The following GALNT18 variants were observed in gnomAD, a reference collection of about 807,000 sequenced individuals.
The protein encoded by GALNT18 is GalNAc-transferase 18.
In GALNT18, 44 loss-of-function variants were observed where a neutral mutation model predicts 69.5. The observed-to-expected ratio is 0.63, with a 90% CI of 0.50 to 0.81. GALNT18 has a LOEUF of 0.81. GALNT18 is among the 40% of genes least tolerant of loss of function. The probability of loss-of-function intolerance (pLI) is 0.00; values close to 1 mark genes in which losing one functional copy is unlikely to be tolerated. For synonymous variants in GALNT18, 364 were observed against 318.2 expected (o/e 1.14, Z -1.53); for missense variants, 715 against 810.0 (o/e 0.88, Z 1.42).
chr11:11,343,839 A>G (rs1166432658), intron 6 of GALNT18, among the ~76,000 whole-genome samples: 1 of 152,198 alleles, frequency 6.6e-6, no homozygotes, highest in Non-Finnish European at 1.5e-5. Context: ...GAGTGGGCAC[A>G]TCTGCCGTCA....
At chr11:11,498,877 C>A (rs11602257) in intron 1 of GALNT18, among the ~76,000 whole-genome samples, 1 of 152,186 alleles carries the variant, frequency 6.6e-6, no homozygotes, top group African/African-American at 2.4e-5. Flanking sequence ...TAGTTACAGT[C>A]AGAGAAGATT....
chr11:11,576,822 C>T (rs1334630223), intron 1 of GALNT18, among the ~76,000 whole-genome samples: 3 of 151,934 alleles, frequency 2.0e-5, no homozygotes, highest in African/African-American at 7.3e-5. Context: ...TTGTTTTTGC[C>T]CTCGCACAGA....
In GALNT18 at chr11:11,582,661, C is replaced by T. The variant is rs1437469215; in HGVS notation, c.235+38698G>A. Among the ~76,000 whole-genome samples the T allele has an allele frequency of 2.0e-5, 3 of 152,232 alleles. No homozygotes were observed. The highest frequency in any genetic ancestry group is 2.1e-4 in the South Asian group (1 of 4,832). On this transcript the variant is annotated intron_variant, in intron 1 of 10. Coordinates refer to ENST00000227756, the MANE Select transcript of GALNT18 (RefSeq NM_198516.3). The surrounding 1 kb of genome is among the most constrained non-coding windows in gnomAD (Gnocchi z 5.0). ...ACTTTCAGTATGCAGTAGAAATACA[C>T]ATTGAGGGCTAAAAGCCTTTGTGAT... is the stretch of plus-strand genomic sequence containing the variant.
At position 11,494,611 on chromosome 11, in the gene GALNT18, C is replaced by T. The variant is rs918382139; in HGVS notation, c.236-45675G>A. On this transcript the variant is annotated intron_variant, in intron 1 of 10. Coordinates refer to ENST00000227756, the MANE Select transcript of GALNT18 (RefSeq NM_198516.3). The surrounding 1 kb of genome is among the most constrained non-coding windows in gnomAD (Gnocchi z 5.7). ...TTCACTGCAGCTCCCCTTCTTTCCA[C>T]CGCTATCTGCCACACATGAATTTCT... 6.6e-6 allele frequency among the ~76,000 whole-genome samples: 1 copy of T among 152,204 alleles called. No individual in the cohort carries two copies. Among genetic ancestry groups the T allele is most frequent in the African/African-American group, 2.4e-5 (1 of 41,452 alleles).
intron 1 of GALNT18, among the ~76,000 whole-genome samples, chr11:11,501,805 T>G (rs56053824): frequency 0.012 from 1,855 of 152,340 alleles, 21 homozygotes; most frequent in Non-Finnish European, 0.02. Context: ...AGACTCCAAG[T>G]TGCGAAGATG....
At chr11:11,406,355 A>AC (rs1218979258) in intron 3 of GALNT18, among the ~76,000 whole-genome samples, 1 of 152,160 alleles carries the variant, frequency 6.6e-6, no homozygotes, top group Admixed American at 6.5e-5. Flanking sequence ...TGTTTATTGT[A>AC]CCTTTTCTGG....
intron 10 of GALNT18, among the ~76,000 whole-genome samples, chr11:11,278,805 T>G (rs1048343451): frequency 2.0e-5 from 3 of 152,182 alleles, no homozygotes; most frequent in African/African-American, 7.2e-5. Context: ...AGGGTAACTA[T>G]AATTAATAAT....
At chr11:11,530,272 T>A (rs892868600) in intron 1 of GALNT18, among the ~76,000 whole-genome samples, 24 of 152,038 alleles carry the variant, frequency 1.6e-4, no homozygotes, top group Non-Finnish European at 3.2e-4. Context: ...CTTAAGGCAA[T>A]TTTTTTTAAG....
At chr11:11,405,331 T>C (rs1188154798) in intron 3 of GALNT18, among the ~76,000 whole-genome samples, 1 of 152,202 alleles carries the variant, frequency 6.6e-6, no homozygotes, top group African/African-American at 2.4e-5. Flanking sequence ...TACACTTATA[T>C]TGTTTTTAAG....
At chr11:11,392,826 A>G (rs1453675802) in intron 3 of GALNT18, among the ~76,000 whole-genome samples, 1 of 152,194 alleles carries the variant, frequency 6.6e-6, no homozygotes, top group Admixed American at 6.5e-5. Context: ...TATGGATACT[A>G]TAGCCATTCT....
chr11:11,521,490 G>A (rs996838220), intron 1 of GALNT18, among the ~76,000 whole-genome samples: 7 of 152,030 alleles, frequency 4.6e-5, no homozygotes, highest in Non-Finnish European at 8.8e-5. Context: ...TCGGGACGCT[G>A]CAGGCCTTGT....
At position 11,315,355 on chromosome 11, in the gene GALNT18, C is replaced by G. The variant is rs1325450082; in HGVS notation, c.1512+11731G>C. 6.6e-6 allele frequency among the ~76,000 whole-genome samples: 1 copy of G among 152,066 alleles called. No homozygotes were observed. The highest frequency in any genetic ancestry group is 1.5e-5 in the Non-Finnish European group (1 of 68,022). ...ACTGCAGGCTGGATTAATGAAACAACTCACTCCATCATCACTTACCAATGA... is the reference window on the plus strand; with the variant it reads ...ACTGCAGGCTGGATTAATGAAACAAGTCACTCCATCATCACTTACCAATGA... On this transcript the variant is annotated intron_variant, in intron 9 of 10. Transcript: ENST00000227756. The surrounding 1 kb of genome is among the most constrained non-coding windows in gnomAD (Gnocchi z 5.6).
rs1237414043 is a variant in GALNT18, at chr11:11,496,651, G to A, written c.236-47715C>T. On this transcript the variant is annotated intron_variant, in intron 1 of 10. Coordinates refer to ENST00000227756, the MANE Select transcript of GALNT18 (RefSeq NM_198516.3). This position sits in a 1 kb window ranked among gnomAD's most constrained non-coding sequence, Gnocchi z 4.0. ...TGGGAAGAAGGAAAGACTGCACCAGGAAGGAAGGGCAGGACCTGCAGGGCA... is the reference window on the plus strand; with the variant it reads ...TGGGAAGAAGGAAAGACTGCACCAGAAAGGAAGGGCAGGACCTGCAGGGCA... 6.6e-6 allele frequency among the ~76,000 whole-genome samples: 1 copy of A among 151,756 alleles called. No individual in the cohort carries two copies. The highest frequency in any genetic ancestry group is 1.5e-5 in the Non-Finnish European group (1 of 67,962).
chr11:11,350,989 G>T (rs1411177651), intron 6 of GALNT18, among the ~76,000 whole-genome samples: 1 of 152,188 alleles, frequency 6.6e-6, no homozygotes, highest in African/African-American at 2.4e-5. Flanking sequence ...AAAGAGGCAA[G>T]GTGACCAAAG....
chr11:11,286,911 G>A (rs569585101), intron 10 of GALNT18, among the ~76,000 whole-genome samples: 1 of 152,078 alleles, frequency 6.6e-6, no homozygotes, highest in Non-Finnish European at 1.5e-5. Flanking sequence ...ATCTAACTTC[G>A]GGAGCTTAGA....
At chr11:11,391,504 C>T (rs1355119073) in intron 3 of GALNT18, among the ~76,000 whole-genome samples, 2 of 152,240 alleles carry the variant, frequency 1.3e-5, no homozygotes, top group Non-Finnish European at 2.9e-5. Context: ...TGGGCATCCA[C>T]CCAGGCTTTG....
chr11:11,558,490 T>C (rs1194998238), intron 1 of GALNT18, among the ~76,000 whole-genome samples: 2 of 152,258 alleles, frequency 1.3e-5, no homozygotes, highest in Non-Finnish European at 2.9e-5. Context: ...ACAGCGCTTG[T>C]CCCTGCAGGT....
At chr11:11,599,041 T>C (rs1476622611) in intron 1 of GALNT18, among the ~76,000 whole-genome samples, 1 of 152,128 alleles carries the variant, frequency 6.6e-6, no homozygotes, top group Non-Finnish European at 1.5e-5. Context: ...ATTTTCCATA[T>C]ATGCTTGAAA....
In GALNT18 at chr11:11,605,515, G is replaced by A. The variant is rs1859731632; in HGVS notation, c.235+15844C>T. 6.6e-6 allele frequency among the ~76,000 whole-genome samples: 1 copy of A among 152,176 alleles called. No individual in the cohort carries two copies. The highest frequency in any genetic ancestry group is 1.5e-5 in the Non-Finnish European group (1 of 68,030). On this transcript the variant is annotated intron_variant, in intron 1 of 10. Transcript: ENST00000227756. The surrounding 1 kb of genome is among the most constrained non-coding windows in gnomAD (Gnocchi z 4.7). ...TTCTCACAGACCTCGGGGTGAACAG[G>A]AGGCCCTCTGTTTCTGCTTCAGAGG...
Sources: allele counts gnomAD v4.1 joint callset (sites outside exome capture counted in the v4.1 genomes callset), GRCh38; gene constraint gnomAD v4.1.1; non-coding constraint Gnocchi (gnomAD v3.1); transcripts MANE v1.5; gene names NCBI Gene and HGNC (gene_info 2026-07-23, HGNC 2026-07-21).